PCDHGB2: variants seen among roughly 807,000 people sequenced by gnomAD.
PCDHGB2 encodes the protein protocadherin gamma-B2.
PCDHGB2 carries 55 observed loss-of-function variants against 59.3 expected under a neutral mutation model. The observed-to-expected ratio is 0.93, with a 90% CI of 0.75 to 1.16. The LOEUF is 1.16. Among genes scored for constraint, PCDHGB2 ranks in the 50% most tolerant of loss-of-function variants. The pLI is 0.00. For synonymous variants in PCDHGB2, 516 were observed against 512.0 expected, an observed-to-expected ratio of 1.01 and a Z score of -0.11; for missense variants, 1,228 against 1,198.5, an observed-to-expected ratio of 1.02 and a Z score of -0.36.
In PCDHGB2 at chr5:141,362,185, C is replaced by A; in HGVS notation, c.2050C>A (p.Pro684Thr). The change falls in exon 1 of 4, where the codon CCC (proline) becomes ACC (threonine). Residue 684 changes from proline (P) to threonine (T), a missense_variant. Around this residue, in one of 3 missense-constraint regions of PCDHGB2, gnomAD observed 433 missense variants for 441.8 expected, o/e 0.98. Transcript: ENST00000522605. ...CAGCGACCGCCGGGAGCCCTCTGAC[C>A]CCCAGGCAAAACTGCAGTTTTACCT... Reference protein sequence around the residue: ...DLSDRREPSDPQAKLQFYLVV... With the variant: ...DLSDRREPSDTQAKLQFYLVV... 1 of 1,614,022 alleles carries A rather than the reference C, an allele frequency of 6.2e-7. No individual in the cohort carries two copies. Among genetic ancestry groups the A allele is most frequent in the Middle Eastern group, 1.6e-4 (1 of 6,062 alleles).
At position 141,461,300 on chromosome 5, in the gene PCDHGB2, A is replaced by G. The variant is rs889981233; in HGVS notation, c.2422-33507A>G. Among the ~76,000 whole-genome samples, 10 of 152,106 alleles carry G rather than the reference A, an allele frequency of 6.6e-5. No individual in the cohort carries two copies. In the East Asian group the frequency reaches 1.4e-3, roughly 21 times the overall value. On this transcript the variant is annotated intron_variant, in intron 1 of 3. Transcript: ENST00000522605. The stretch of plus-strand genomic sequence containing the variant: ...TTTCCCCACATCCACACCAACATCT[A>G]TTGTTTTTTGACTTTTTAATAATGG...
chr5:141,413,575 G>A lies in PCDHGB2; in HGVS notation c.2421+51019G>A, dbSNP rs762938003. The stretch of plus-strand genomic sequence containing the variant: ...AGAAGTAACTGATATCAATGACAAT[G>A]CTCCAAAATTCCAAGCAGAAAATCT... On this transcript the variant is annotated intron_variant, in intron 1 of 3. Transcript: ENST00000522605. 4.3e-6 allele frequency: 7 copies of A among 1,613,886 alleles called. No individual in the cohort carries two copies. In the South Asian group the frequency reaches 6.6e-5, roughly 15 times the overall value.
At position 141,415,393 on chromosome 5, in the gene PCDHGB2, T is replaced by C. The variant is rs574028530; in HGVS notation, c.2421+52837T>C. On this transcript the variant is annotated intron_variant, in intron 1 of 3. Transcript: ENST00000522605. ...TTCAGGAGGCGGCTTGACAGGTGTG[T>C]CCGGCTCGCACTTTGTGGGCGTGGA... 1.1e-5 allele frequency: 17 copies of C among 1,614,190 alleles called. No individual in the cohort carries two copies. In the East Asian group the frequency reaches 2.5e-4, roughly 23 times the overall value.
intron 1 of PCDHGB2, chr5:141,399,976 C>CTGCGCACAGGAGAGG: frequency 1.2e-6 from 2 of 1,612,242 alleles, no homozygotes; most frequent in Non-Finnish European, 1.7e-6. Flanking sequence ...CAGCCTGGGG[C>CTGCGCACAGGAGAGG]TGCGCACAGG....
intron 2 of PCDHGB2, among the ~76,000 whole-genome samples, chr5:141,501,868 C>G (rs1016056445): frequency 1.3e-5 from 2 of 152,120 alleles, no homozygotes; most frequent in African/African-American, 2.4e-5. Flanking sequence ...TCCCAGGACG[C>G]CTCCTTACAC....
chr5:141,487,530 T>C lies in PCDHGB2; in HGVS notation c.2422-7277T>C. The stretch of plus-strand genomic sequence containing the variant: ...GCACCCACTCGGAGTGATAGCTTCA[T>C]GATGGTGAAGTCACCCAGTGCACCT... On this transcript the variant is annotated intron_variant, in intron 1 of 3. Coordinates refer to ENST00000522605, the MANE Select transcript of PCDHGB2 (RefSeq NM_018923.3). This position sits in a 1 kb window ranked among gnomAD's most constrained non-coding sequence, Gnocchi z 5.0. The C allele has an allele frequency of 6.2e-7, 1 of 1,614,218 alleles. No individual in the cohort carries two copies. The highest frequency in any genetic ancestry group is 8.5e-7 in the Non-Finnish European group (1 of 1,180,040).
chr5:141,370,392 G>A (rs773955179), intron 1 of PCDHGB2: 5 of 1,544,672 alleles, frequency 3.2e-6, no homozygotes, highest in Non-Finnish European at 4.4e-6. Context: ...CGCAGAGAGC[G>A]GGATGGGAAA....
intron 1 of PCDHGB2, chr5:141,365,598 C>G (rs772367194): frequency 1.2e-6 from 2 of 1,613,672 alleles, no homozygotes; most frequent in Non-Finnish European, 1.7e-6. Flanking sequence ...ATCACTTTAA[C>G]CGTCATGGAC....
At chr5:141,374,566 T>C (rs368553948) in intron 1 of PCDHGB2, 21 of 1,613,582 alleles carry the variant, frequency 1.3e-5, no homozygotes, top group South Asian at 3.3e-5. Flanking sequence ...ATGACCCTGA[T>C]GTGGGAATGA....
intron 1 of PCDHGB2, among the ~76,000 whole-genome samples, chr5:141,455,439 C>T (rs966470257): frequency 1.3e-5 from 2 of 152,126 alleles, no homozygotes; most frequent in East Asian, 1.9e-4. Context: ...AGGAGGTCCC[C>T]ATCTACCGCG....
rs1008039711 is a variant in PCDHGB2 at position 141,394,856 on chromosome 5, G to C, written c.2421+32300G>C. 4 of 1,613,674 alleles carry C rather than the reference G, an allele frequency of 2.5e-6. No individual in the cohort carries two copies. In the African/African-American group the frequency reaches 5.3e-5, roughly 22 times the overall value. On this transcript the variant is annotated intron_variant, in intron 1 of 3. Coordinates refer to ENST00000522605, the MANE Select transcript of PCDHGB2 (RefSeq NM_018923.3). ...CCGAGTTGGGCAGTCTGAAGCCTTC[G>C]GTCGACCCGAACGATTCGAGCCTTA... is the stretch of plus-strand genomic sequence containing the variant.
chr5:141,395,097 G>A lies in PCDHGB2; in HGVS notation c.2421+32541G>A, dbSNP rs376460647. The A allele has an allele frequency of 1.3e-5, 21 of 1,614,040 alleles. No homozygotes were observed. Among genetic ancestry groups the A allele is most frequent in the Non-Finnish European group, 1.7e-5 (20 of 1,180,038 alleles). On this transcript the variant is annotated intron_variant, in intron 1 of 3. Coordinates refer to ENST00000522605, the MANE Select transcript of PCDHGB2 (RefSeq NM_018923.3). ...TTCCCAGGAAGTCTCCCTCACCGCC[G>A]ACTCGCGGAAGAGTCACCTGATCTT...
At position 141,430,831 on chromosome 5, in the gene PCDHGB2, G is replaced by A; in HGVS notation, c.2422-63976G>A. ...TGGGAATCCTCCTGGGGACTCTGTGGGAGACCGGATGCACCCAGATACGCT... is the reference window on the plus strand; with the variant it reads ...TGGGAATCCTCCTGGGGACTCTGTGAGAGACCGGATGCACCCAGATACGCT... On this transcript the variant is annotated intron_variant, in intron 1 of 3. Coordinates refer to ENST00000522605, the MANE Select transcript of PCDHGB2 (RefSeq NM_018923.3). 3 of 1,555,334 alleles carry A rather than the reference G, an allele frequency of 1.9e-6. No individual in the cohort carries two copies. In the South Asian group the frequency reaches 3.8e-5, roughly 19 times the overall value.
chr5:141,421,960 CA>C, intron 1 of PCDHGB2: 1 of 1,612,526 alleles, frequency 6.2e-7, no homozygotes, highest in Admixed American at 1.7e-5. Flanking sequence ...AATGTTTACA[CA>C]GTCCGTATAT....
rs2099811015 is a variant in PCDHGB2 at position 141,501,774 on chromosome 5, G to GTC, written c.2481-3612_2481-3611dup. ...CTCTCAGTAAATGGTTAAAAAAGAG[G>GTC]TCTCTCTCCCTCTGCTCATCTCTTA... is the stretch of plus-strand genomic sequence containing the variant. On this transcript the variant is annotated intron_variant, in intron 2 of 3. Coordinates refer to ENST00000522605, the MANE Select transcript of PCDHGB2 (RefSeq NM_018923.3). Among the ~76,000 whole-genome samples, 3 of 152,062 alleles carry GTC rather than the reference G, an allele frequency of 2.0e-5. No homozygotes were observed. In the South Asian group the frequency reaches 6.2e-4, roughly 32 times the overall value.
Position 141,376,289 on chromosome 5 carries a change from C to G in PCDHGB2, c.2421+13733C>G, listed in dbSNP as rs778496260. 2.5e-6 allele frequency: 4 copies of G among 1,614,176 alleles called. No individual in the cohort carries two copies. Among genetic ancestry groups the G allele is most frequent in the African/African-American group, 2.7e-5 (2 of 75,056 alleles). ...TTCGGGAGGTGGCTTAGCGAGCATG[C>G]CCGGCTCGCACTTTGTGGGCGTGGA... On this transcript the variant is annotated intron_variant, in intron 1 of 3. Coordinates refer to ENST00000522605, the MANE Select transcript of PCDHGB2 (RefSeq NM_018923.3).
intron 1 of PCDHGB2, among the ~76,000 whole-genome samples, chr5:141,482,089 C>CAA (rs36035257): frequency 1.0e-3 from 137 of 134,516 alleles, no homozygotes; most frequent in African/African-American, 1.5e-3. Context: ...CACTCCATCT[C>CAA]AAAAAAAAAA....
chr5:141,366,387 A>G, intron 1 of PCDHGB2: 1 of 1,614,088 alleles, frequency 6.2e-7, no homozygotes, highest in East Asian at 2.2e-5. Context: ...GACCCTGAGG[A>G]TCTGGACCTC....
Position 141,362,114 on chromosome 5 carries a change from T to A in PCDHGB2, c.1979T>A (p.Leu660Gln). ...CCGCCACTCTCCGCTACGGCCACGCTGCACCTAATCTTCGCGGATAGCCTG... is the reference window on the plus strand; with the variant it reads ...CCGCCACTCTCCGCTACGGCCACGCAGCACCTAATCTTCGCGGATAGCCTG... ...GQPPLSATAT[L>Q]HLIFADSLQE... The change falls in exon 1 of 4, where the codon CTG (leucine) becomes CAG (glutamine). Residue 660 changes from leucine to glutamine, a missense_variant. This residue lies in a region of PCDHGB2 where 433 missense variants were observed against 441.8 expected (regional missense o/e 0.98). Transcript: ENST00000522605. 1.2e-6 allele frequency: 2 copies of A among 1,613,988 alleles called. No homozygotes were observed. Among genetic ancestry groups the A allele is most frequent in the Non-Finnish European group, 1.7e-6 (2 of 1,179,892 alleles).
Sources: gnomAD v4.1 joint callset for allele counts (sites outside exome capture counted in the v4.1 genomes callset) on GRCh38, gnomAD v4.1.1 for gene constraint, gnomAD v4.1.1 regional missense constraint, Gnocchi (gnomAD v3.1) non-coding constraint, MANE v1.5 for transcripts, NCBI Gene and HGNC (gene_info 2026-07-23, HGNC 2026-07-21) for gene names.